RBFOX3: variants seen among roughly 807,000 people sequenced by gnomAD.
The protein encoded by RBFOX3 is RNA binding fox-1 homolog 3.
A neutral mutation model predicts 48.7 loss-of-function variants in RBFOX3; 17 were observed. That is an observed-to-expected ratio of 0.35 (90% CI 0.24 to 0.52). The LOEUF (loss-of-function observed/expected upper bound fraction) is 0.52, where lower values mean the gene tolerates loss of function less well. Among genes scored for constraint, RBFOX3 ranks in the 20% least tolerant of loss-of-function variants. The probability of loss-of-function intolerance (pLI) is 0.94; values close to 1 mark genes in which losing one functional copy is unlikely to be tolerated. For synonymous variants in RBFOX3, 212 were observed against 209.5 expected, an observed-to-expected ratio of 1.01 and a Z score of -0.10; for missense variants, 382 against 497.5, an observed-to-expected ratio of 0.77 and a Z score of 2.21.
In RBFOX3 at chr17:79,378,200, G is replaced by A. The variant is rs971492936; in HGVS notation, c.-174-70376C>T. Among the ~76,000 whole-genome samples, 5 of 151,978 alleles carry A rather than the reference G, an allele frequency of 3.3e-5. 1 individual carries two copies. Among genetic ancestry groups the A allele is most frequent in the South Asian group, 4.2e-4 (2 of 4,782 alleles). The stretch of plus-strand genomic sequence containing the variant: ...GCCCTGGAAAGCACCGAGCCTCCCC[G>A]TAGGGGCTTAGCCCTCATCACCACT... On this transcript the variant is annotated intron_variant, in intron 2 of 14. Transcript: ENST00000693108.
intron 3 of RBFOX3, among the ~76,000 whole-genome samples, chr17:79,281,083 C>T (rs2070358725): frequency 6.6e-6 from 1 of 152,244 alleles, no homozygotes; most frequent in African/African-American, 2.4e-5. Flanking sequence ...TGCTTCTGAG[C>T]CAGACATACC....
rs185064922 is a variant in RBFOX3, at chr17:79,285,637, C to T, written c.-74+22087G>A. On this transcript the variant is annotated intron_variant, in intron 3 of 14. Coordinates refer to ENST00000693108, the MANE Select transcript of RBFOX3 (RefSeq NM_001350451.2). ...CACTGACAGTGCCAGAAACCACCTG[C>T]TCCTTTATCTGCTTTGATAAGGCTG... Among the ~76,000 whole-genome samples, 578 of 152,330 alleles carry T rather than the reference C, an allele frequency of 3.8e-3. 2 individuals are homozygous for T. Among genetic ancestry groups the T allele is most frequent in the Non-Finnish European group, 6.1e-3 (418 of 68,036 alleles).
intron 2 of RBFOX3, among the ~76,000 whole-genome samples, chr17:79,476,566 G>A (rs1022681555): frequency 3.9e-5 from 6 of 152,302 alleles, no homozygotes; most frequent in African/African-American, 1.2e-4. Flanking sequence ...AGTTCAGGGC[G>A]TGTGAAGGAT....
intron 1 of RBFOX3, among the ~76,000 whole-genome samples, chr17:79,592,638 C>T (rs1186415495): frequency 3.3e-5 from 5 of 152,052 alleles, no homozygotes; most frequent in African/African-American, 1.2e-4. Flanking sequence ...GCTGTGAACA[C>T]ACTCCCTCCT....
intron 1 of RBFOX3, among the ~76,000 whole-genome samples, chr17:79,537,098 AAAAC>A (rs1166660474): frequency 9.4e-5 from 14 of 148,702 alleles, no homozygotes; most frequent in African/African-American, 3.5e-4. Context: ...AAAACAAAAC[AAAAC>A]AAACAAACAA....
chr17:79,369,957 C>T (rs1020572299), intron 2 of RBFOX3, among the ~76,000 whole-genome samples: 1 of 152,180 alleles, frequency 6.6e-6, no homozygotes, highest in East Asian at 1.9e-4. Flanking sequence ...GCTGCAGGTG[C>T]ACATTTCTCC....
chr17:79,325,095 T>C (rs2079102779), intron 2 of RBFOX3, among the ~76,000 whole-genome samples: 1 of 152,164 alleles, frequency 6.6e-6, no homozygotes, highest in Non-Finnish European at 1.5e-5. Flanking sequence ...GAGCCAATTT[T>C]CCCCCAACCC....
rs183327829 is a variant in RBFOX3 at position 79,090,711 on chromosome 17, C to G, written c.*172G>C. 1.7e-5 allele frequency: 14 copies of G among 814,652 alleles called. No individual in the cohort carries two copies. The highest frequency in any genetic ancestry group is 2.9e-5 in the Admixed American group (1 of 33,998). The allele number at this position is 814,652 out of a possible 1,614,324, so 50.5% of individuals were successfully genotyped here. A position where few individuals can be genotyped will look rare whatever the true frequency, so the allele number is the denominator to read the frequency against. On this transcript the variant is annotated 3_prime_UTR_variant, in exon 15 of 15. Transcript: ENST00000693108. Reference sequence around the variant, plus strand: ...CCCCTGCCGGCGTGCTCCCTCGGTGCGGGCGTGTGGCCAGGACGCGGGACT... The same window carrying G: ...CCCCTGCCGGCGTGCTCCCTCGGTGGGGGCGTGTGGCCAGGACGCGGGACT...
the RBFOX3 span, among the ~76,000 whole-genome samples, chr17:79,651,933 C>T: frequency 1.7e-3 from 255 of 147,340 alleles, no homozygotes; most frequent in Non-Finnish European, 2.8e-3. Context: ...GCTCACGTGC[C>T]GAGGAACTGC....
intron 4 of RBFOX3, among the ~76,000 whole-genome samples, chr17:79,131,824 C>A (rs2038991375): frequency 6.6e-6 from 1 of 152,182 alleles, no homozygotes; most frequent in Non-Finnish European, 1.5e-5. Context: ...TGCCCGGCCA[C>A]CTGGCCAGAG....
intron 2 of RBFOX3, among the ~76,000 whole-genome samples, chr17:79,433,557 C>T (rs140611561): frequency 3.1e-4 from 47 of 152,330 alleles, no homozygotes; most frequent in African/African-American, 1.1e-3. Context: ...CCTCTTGGAC[C>T]TCTGTCGTGG....
At chr17:79,652,627 A>G in the RBFOX3 span, among the ~76,000 whole-genome samples, 1 of 18,658 alleles carries the variant, frequency 5.4e-5, no homozygotes, top group South Asian at 1.6e-3. Flanking sequence ...GAAAGGGAAA[A>G]GGGAAAAAGA....
At chr17:79,140,814 C>T (rs1277326966) in intron 4 of RBFOX3, among the ~76,000 whole-genome samples, 1 of 152,194 alleles carries the variant, frequency 6.6e-6, no homozygotes, top group Non-Finnish European at 1.5e-5. Flanking sequence ...CTTCTCCACC[C>T]GGAATTCTTT....
chr17:79,216,127 G>A (rs576864652), intron 4 of RBFOX3, among the ~76,000 whole-genome samples: 19 of 152,368 alleles, frequency 1.2e-4, no homozygotes, highest in Admixed American at 5.2e-4. Flanking sequence ...TCTGGTCCTG[G>A]ACATCACAGT....
intron 2 of RBFOX3, among the ~76,000 whole-genome samples, chr17:79,459,150 G>C (rs1555747071): frequency 6.6e-6 from 1 of 152,144 alleles, no homozygotes; most frequent in African/African-American, 2.4e-5. Context: ...AGAGTCCCCA[G>C]GTCCCTCTTC....
chr17:79,091,452 C>T (rs1056969476), intron 14 of RBFOX3, among the ~76,000 whole-genome samples: 3 of 152,220 alleles, frequency 2.0e-5, no homozygotes, highest in Non-Finnish European at 4.4e-5. Flanking sequence ...GGCCAGCAAG[C>T]TGCCCACGGC....
intron 6 of RBFOX3, among the ~76,000 whole-genome samples, chr17:79,104,428 T>C (rs2076997349): frequency 6.6e-6 from 1 of 152,132 alleles, no homozygotes; most frequent in Admixed American, 6.5e-5. Context: ...GTCTCCCTTC[T>C]GCCTTGGGGA....
At chr17:79,512,545 CA>C (rs2084497461) in intron 1 of RBFOX3, among the ~76,000 whole-genome samples, 1 of 149,214 alleles carries the variant, frequency 6.7e-6, no homozygotes, top group Non-Finnish European at 1.5e-5. Flanking sequence ...CCATCGGGTA[CA>C]GCCCCATGGC....
At chr17:79,520,593 A>C (rs1011704389) in intron 1 of RBFOX3, among the ~76,000 whole-genome samples, 3 of 152,206 alleles carry the variant, frequency 2.0e-5, no homozygotes, top group Non-Finnish European at 4.4e-5. Flanking sequence ...CCTCATGCAC[A>C]GGGCCAGAGG....
Sources: gnomAD v4.1 joint callset for allele counts (sites outside exome capture counted in the v4.1 genomes callset) on GRCh38, gnomAD v4.1.1 for gene constraint, MANE v1.5 for transcripts, NCBI Gene and HGNC (gene_info 2026-07-23, HGNC 2026-07-21) for gene names.